Variants in CDC14B observed in about 807,000 individuals in gnomAD.
CDC14B encodes cell division cycle 14B.
A neutral mutation model predicts 64.2 loss-of-function variants in CDC14B; 22 were observed. The observed-to-expected ratio is 0.34, with a 90% CI of 0.24 to 0.49. CDC14B has a LOEUF of 0.49. Ranked by LOEUF, CDC14B falls within the 20% of genes least tolerant of loss-of-function variation. The pLI is 0.99. For synonymous variants in CDC14B, 191 were observed against 215.8 expected, an observed-to-expected ratio of 0.89 and a Z score of 1.01; for missense variants, 498 against 629.9, an observed-to-expected ratio of 0.79 and a Z score of 2.24.
intron 1 of CDC14B, among the ~76,000 whole-genome samples, chr9:96,587,535 C>A (rs1387511593): frequency 6.6e-6 from 1 of 152,194 alleles, no homozygotes; most frequent in Non-Finnish European, 1.5e-5. Flanking sequence ...CTTGGCCCTG[C>A]ACTGCTGAGC....
intron 13 of CDC14B, among the ~76,000 whole-genome samples, chr9:96,494,956 T>C (rs1172165591): frequency 2.0e-5 from 3 of 151,036 alleles, no homozygotes; most frequent in African/African-American, 7.3e-5. Flanking sequence ...TGCCTCAGCC[T>C]CCCAAGTAGC....
chr9:96,603,155 G>C (rs1199791224), intron 1 of CDC14B, among the ~76,000 whole-genome samples: 2 of 138,048 alleles, frequency 1.4e-5, no homozygotes, highest in Non-Finnish European at 3.2e-5. Context: ...GATAGAAACG[G>C]ACACACACAC....
intron 1 of CDC14B, among the ~76,000 whole-genome samples, chr9:96,588,776 A>T (rs1177947777): frequency 1.3e-5 from 2 of 152,150 alleles, no homozygotes; most frequent in Non-Finnish European, 2.9e-5. Context: ...ACCCAGCCAA[A>T]TTTGTAGTTT....
intron 12 of CDC14B, among the ~76,000 whole-genome samples, chr9:96,510,675 G>A (rs551117461): frequency 4.0e-5 from 6 of 150,256 alleles, no homozygotes; most frequent in African/African-American, 7.4e-5. Flanking sequence ...GCGTGATCTC[G>A]ACTCACTGCA....
chr9:96,503,526 G>A lies in CDC14B; in HGVS notation c.*227C>T. ...CCTGAGACTAAATTTACAACAGCATGTTTGTCATTCAGCTTGAGAGCTGGA... is the reference window on the plus strand; with the variant it reads ...CCTGAGACTAAATTTACAACAGCATATTTGTCATTCAGCTTGAGAGCTGGA... On this transcript the variant is annotated 3_prime_UTR_variant, in exon 14 of 14. Coordinates refer to ENST00000375241, the MANE Select transcript of CDC14B (RefSeq NM_033331.4). 1.8e-6 allele frequency: 1 copy of A among 553,806 alleles called. No homozygotes were observed. Among genetic ancestry groups the A allele is most frequent in the East Asian group, 3.1e-5 (1 of 32,100 alleles). 34.3% of individuals were successfully genotyped at this position (553,806 alleles called of 1,614,324 possible).
At chr9:96,543,957 G>A (rs1305774871) in intron 5 of CDC14B, among the ~76,000 whole-genome samples, 2 of 151,976 alleles carry the variant, frequency 1.3e-5, no homozygotes, top group African/African-American at 2.4e-5. Flanking sequence ...GGTGGCTCAC[G>A]CCTGTAATCC....
At chr9:96,591,394 T>G (rs750789401) in intron 1 of CDC14B, among the ~76,000 whole-genome samples, 1 of 152,234 alleles carries the variant, frequency 6.6e-6, no homozygotes, top group Non-Finnish European at 1.5e-5. Flanking sequence ...CATTTAACCA[T>G]ATACATAAGG....
chr9:96,543,014 C>CA lies in CDC14B; in HGVS notation c.498-1123dup, dbSNP rs1457285573. 4.7e-5 allele frequency among the ~76,000 whole-genome samples: 7 copies of CA among 148,410 alleles called. 1 individual carries two copies. Among genetic ancestry groups the CA allele is most frequent in the African/African-American group, 1.7e-4 (7 of 40,186 alleles). On this transcript the variant is annotated intron_variant, in intron 5 of 13. Coordinates refer to ENST00000375241, the MANE Select transcript of CDC14B (RefSeq NM_033331.4). ...CAAAGTGAGACTCTATCTCAAAAAACAAAAAACAAAAAACAACAAGCCCAA... is the reference window on the plus strand; with the variant it reads ...CAAAGTGAGACTCTATCTCAAAAAACAAAAAAACAAAAAACAACAAGCCCAA...
At chr9:96,498,089 G>A (rs999783835), downstream of CDC14B, among the ~76,000 whole-genome samples, 1 of 152,170 alleles carries the variant, frequency 6.6e-6, no homozygotes, top group Non-Finnish European at 1.5e-5. Context: ...GACGTCAACC[G>A]GGAGAGTGTG....
chr9:96,614,935 G>A (rs1010628372), intron 1 of CDC14B, among the ~76,000 whole-genome samples: 2 of 152,136 alleles, frequency 1.3e-5, no homozygotes, highest in Non-Finnish European at 1.5e-5. Context: ...CCATCTCCCT[G>A]GTTCAAGAGA....
intron 12 of CDC14B, among the ~76,000 whole-genome samples, chr9:96,521,267 C>T (rs897199157): frequency 6.6e-6 from 1 of 152,048 alleles, no homozygotes; most frequent in Non-Finnish European, 1.5e-5. Context: ...TTTGTAGAGA[C>T]GGGGTTTCAC....
chr9:96,565,268 AAAAACAAGC>A, intron 2 of CDC14B, 116 bp downstream of exon 2: 1 of 607,952 alleles, frequency 1.6e-6, no homozygotes, highest in South Asian at 2.3e-5. Flanking sequence ...ACTACAGGTG[AAAAACAAGC>A]ATCCTGTAAT....
intron 7 of CDC14B, among the ~76,000 whole-genome samples, 198 bp from the exon 8 acceptor site, chr9:96,534,740 C>A (rs1197650151): frequency 6.6e-6 from 1 of 152,208 alleles, no homozygotes; most frequent in African/African-American, 2.4e-5. Context: ...TGTTCCTAAT[C>A]ATCTTCTTTT....
chr9:96,619,488 C>A lies in CDC14B; in HGVS notation c.-110G>T. Reference sequence around the variant, plus strand: ...GGCGCTCGGGGCGGCGGGCGCAGAGCGGCGCTGCGGGGACGGCGGGCGCCG... The same window carrying A: ...GGCGCTCGGGGCGGCGGGCGCAGAGAGGCGCTGCGGGGACGGCGGGCGCCG... On this transcript the variant is annotated 5_prime_UTR_variant, in exon 1 of 14. Transcript: ENST00000375241. 1 of 506,000 alleles carries A rather than the reference C, an allele frequency of 2.0e-6. No homozygotes were observed. Among genetic ancestry groups the A allele is most frequent in the Admixed American group, 6.6e-5 (1 of 15,124 alleles). The allele number at this position is 506,000 out of a possible 1,614,324, so 31.3% of individuals were successfully genotyped here. A position where few individuals can be genotyped will look rare whatever the true frequency, so the allele number is the denominator to read the frequency against.
At chr9:96,551,110 G>GTTTTTTTTTTTTTTTTTTT (rs1841741325) in intron 5 of CDC14B, among the ~76,000 whole-genome samples, 10 of 65,956 alleles carry the variant, frequency 1.5e-4, no homozygotes, top group East Asian at 8.4e-4. Context: ...TTTGGGGTTT[G>GTTTTTTTTTTTTTTTTTTT]CTTTTTTTTT....
At chr9:96,528,257 C>T (rs1049696025) in intron 9 of CDC14B, among the ~76,000 whole-genome samples, 2 of 152,166 alleles carry the variant, frequency 1.3e-5, no homozygotes, top group African/African-American at 4.8e-5. Flanking sequence ...CGTGGTGGCT[C>T]ACACCTGTAA....
At chr9:96,593,530 G>A (rs1845900546) in intron 1 of CDC14B, among the ~76,000 whole-genome samples, 1 of 148,898 alleles carries the variant, frequency 6.7e-6, no homozygotes, top group African/African-American at 2.5e-5. Flanking sequence ...TTTGTGAACA[G>A]ACAAGTCATT....
At chr9:96,537,858 G>T (rs16911145) in intron 7 of CDC14B, among the ~76,000 whole-genome samples, 2,716 of 152,050 alleles carry the variant, frequency 0.018, 77 homozygotes, top group African/African-American at 0.062. Context: ...GAGTAGCTGG[G>T]ACTACAGGCG....
chr9:96,535,321 TA>T lies in CDC14B; in HGVS notation c.628-780del, dbSNP rs1388656336. On this transcript the variant is annotated intron_variant, in intron 7 of 13. Transcript: ENST00000375241. ...AAACTCTGTCTCAAAAAACAAAAAT[TA>T]AAAAAATAAATAAATAAATGCACTG... Among the ~76,000 whole-genome samples, 11 of 151,590 alleles carry T rather than the reference TA, an allele frequency of 7.3e-5. No homozygotes were observed. The South Asian group carries it at 1.9e-3, about 26-fold the overall frequency.
Sources: gnomAD v4.1 joint callset for allele counts (sites outside exome capture counted in the v4.1 genomes callset) on GRCh38, gnomAD v4.1.1 for gene constraint, MANE v1.5 for transcripts, NCBI Gene and HGNC (gene_info 2026-07-23, HGNC 2026-07-21) for gene names.